KIT: variants seen among roughly 807,000 people sequenced by gnomAD.
The protein encoded by KIT is KIT proto-oncogene, receptor tyrosine kinase, also known as mast/stem cell growth factor receptor Kit.
In KIT, 16 loss-of-function variants were observed where a neutral mutation model predicts 105.7. That is an observed-to-expected ratio of 0.15 (90% confidence interval 0.10 to 0.23). The LOEUF is 0.23. Among genes scored for constraint, KIT ranks in the 10% least tolerant of loss-of-function variants. The pLI is 1.00. For missense variants in KIT, 858 were observed against 1,213.8 expected (o/e 0.71, Z 4.36); for synonymous variants, 438 against 441.1 (o/e 0.99, Z 0.09).
intron 7 of KIT, among the ~76,000 whole-genome samples, chr4:54,710,212 G>T (rs964882079): frequency 1.3e-5 from 2 of 152,174 alleles, no homozygotes; most frequent in African/African-American, 4.8e-5. Flanking sequence ...ATCATGAGCT[G>T]GACCTTTTGC....
chr4:54,737,052 T>C, intron 19 of KIT, 123 bp from the exon 20 acceptor site: 1 of 754,006 alleles, frequency 1.3e-6, no homozygotes, highest in East Asian at 2.6e-5. Context: ...ATGTTATCTA[T>C]ATGTCAGTCC....
At chr4:54,662,650 G>A (rs927829343) in intron 1 of KIT, among the ~76,000 whole-genome samples, 33 of 152,206 alleles carry the variant, frequency 2.2e-4, no homozygotes, top group African/African-American at 6.5e-4. Context: ...TCGTCTCACT[G>A]CAACCTCCAC....
intron 7 of KIT, among the ~76,000 whole-genome samples, chr4:54,713,120 T>G (rs191801922): frequency 6.6e-6 from 1 of 152,104 alleles, no homozygotes; most frequent in East Asian, 1.9e-4. Context: ...TTTTTAAAAA[T>G]TTTATTTCAA....
intron 1 of KIT, among the ~76,000 whole-genome samples, chr4:54,664,299 C>T (rs2109544009): frequency 6.6e-6 from 1 of 152,240 alleles, no homozygotes; most frequent in East Asian, 1.9e-4. Context: ...GGTAAGACTC[C>T]TCTTACTAGC....
At chr4:54,680,385 CTTTT>C (rs756268006) in intron 1 of KIT, among the ~76,000 whole-genome samples, 1 of 102,688 alleles carries the variant, frequency 9.7e-6, no homozygotes, top group Non-Finnish European at 2.0e-5. Flanking sequence ...TTCATTCGTC[CTTTT>C]TTTTTTTTTT....
chr4:54,714,747 C>T (rs531166786), intron 7 of KIT, among the ~76,000 whole-genome samples: 20 of 152,286 alleles, frequency 1.3e-4, no homozygotes, highest in Non-Finnish European at 2.4e-4. Context: ...ACGGTATTTA[C>T]GGATCATAAA....
chr4:54,732,053 T>C, intron 16 of KIT, 55 bp downstream of exon 16: 1 of 1,505,522 alleles, frequency 6.6e-7, no homozygotes, highest in Non-Finnish European at 8.9e-7. Context: ...TGATTTTTTT[T>C]TTTTTTTTTT....
At chr4:54,725,790 C>T in intron 8 of KIT, 67 bp from the exon 9 acceptor site, 2 of 1,393,840 alleles carry the variant, frequency 1.4e-6, no homozygotes, top group Non-Finnish European at 1.0e-6. Context: ...TATGCCACAT[C>T]CCAAGTGTTT....
intron 7 of KIT, among the ~76,000 whole-genome samples, chr4:54,710,914 G>A (rs1185124443): frequency 1.3e-5 from 2 of 152,166 alleles, no homozygotes; most frequent in Non-Finnish European, 2.9e-5. Flanking sequence ...TGTTGAGCCA[G>A]CATCTGTCTC....
intron 7 of KIT, among the ~76,000 whole-genome samples, chr4:54,720,977 C>A (rs1472745572): frequency 2.0e-5 from 3 of 152,110 alleles, no homozygotes; most frequent in Admixed American, 6.6e-5. Flanking sequence ...TAGGCTGTTC[C>A]CACAGGTCTC....
rs116094974 is a variant in KIT, at chr4:54,676,702, C to T, written c.67+18621C>T. Among the ~76,000 whole-genome samples, 602 of 152,276 alleles carry T rather than the reference C, an allele frequency of 4.0e-3. 3 individuals are homozygous for T. The highest frequency in any genetic ancestry group is 0.014 in the African/African-American group (565 of 41,554). ...GTGCTCTTGGAATAAAGTCTGTCTC[C>T]GTAGATCCCTTTCAAGCCTCCAGTA... On this transcript the variant is annotated intron_variant, in intron 1 of 20. Transcript: ENST00000288135.
At chr4:54,735,119 G>A (rs1722848339) in intron 17 of KIT, among the ~76,000 whole-genome samples, 1 of 152,084 alleles carries the variant, frequency 6.6e-6, no homozygotes. Context: ...AAAGTCACAG[G>A]TACAGCTGAT....
At chr4:54,729,681 T>C (rs1190723462) in intron 14 of KIT, among the ~76,000 whole-genome samples, 196 bp downstream of exon 14, 1 of 152,222 alleles carries the variant, frequency 6.6e-6, no homozygotes, top group Non-Finnish European at 1.5e-5. Context: ...CCTAGATTTT[T>C]GCTGATTTTT....
At chr4:54,678,332 CCTTCCTTCCT>C (rs1718642948) in intron 1 of KIT, among the ~76,000 whole-genome samples, 1 of 102,610 alleles carries the variant, frequency 9.7e-6, no homozygotes, top group African/African-American at 4.5e-5. Context: ...TTCCTTCCTT[CCTTCCTTCCT>C]TCCTTCCTTC....
At chr4:54,668,151 TC>T (rs1272850081) in intron 1 of KIT, among the ~76,000 whole-genome samples, 5 of 152,060 alleles carry the variant, frequency 3.3e-5, no homozygotes, top group African/African-American at 7.2e-5. Flanking sequence ...CTTCCCTGGA[TC>T]CCCCCGAGTC....
chr4:54,663,682 T>C (rs1717468289), intron 1 of KIT, among the ~76,000 whole-genome samples: 1 of 152,140 alleles, frequency 6.6e-6, no homozygotes, highest in Non-Finnish European at 1.5e-5. Flanking sequence ...AATGGCCATT[T>C]TCTGTAGGTG....
chr4:54,699,599 A>T, intron 3 of KIT, 31 bp from the exon 4 acceptor site: 1 of 1,613,244 alleles, frequency 6.2e-7, no homozygotes, highest in Non-Finnish European at 8.5e-7. Flanking sequence ...AATACAAATT[A>T]TTTGAGGGGC....
chr4:54,733,217 A>T (rs188863965), intron 17 of KIT, 25 bp downstream of exon 17: 1 of 1,609,302 alleles, frequency 6.2e-7, no homozygotes, highest in East Asian at 2.2e-5. Context: ...TCTGCTTGAC[A>T]GTCCTGCAAA....
Position 54,658,084 on chromosome 4 carries a change from G to T in KIT, c.67+3G>T. The stretch of plus-strand genomic sequence containing the variant: ...CCTACTGCTTCGCGTCCAGACAGGT[G>T]GGACACCGCGGCTGGCACCCCGACC... On this transcript the variant is annotated splice_donor_region_variant and intron_variant, in intron 1 of 20. Coordinates refer to ENST00000288135, the MANE Select transcript of KIT (RefSeq NM_000222.3). 1 of 1,613,652 alleles carries T rather than the reference G, an allele frequency of 6.2e-7. No individual in the cohort carries two copies. The highest frequency in any genetic ancestry group is 8.5e-7 in the Non-Finnish European group (1 of 1,179,760).
Sources: allele counts gnomAD v4.1 joint callset (sites outside exome capture counted in the v4.1 genomes callset), GRCh38; gene constraint gnomAD v4.1.1; transcripts MANE v1.5; gene names NCBI Gene and HGNC (gene_info 2026-07-23, HGNC 2026-07-21).